The following PRKDC variants were observed in gnomAD, a reference collection of about 807,000 sequenced individuals.
PRKDC encodes DNA-dependent protein kinase catalytic subunit.
A neutral mutation model predicts 486.9 loss-of-function variants in PRKDC; 82 were observed. The ratio of observed to expected loss-of-function variants is 0.17; its 90% CI spans 0.14 to 0.20. PRKDC has a LOEUF of 0.20. Among genes scored for constraint, PRKDC ranks in the 10% least tolerant of loss-of-function variants. The pLI, the probability that PRKDC is intolerant of heterozygous loss-of-function variation, is 1.00. For missense variants in PRKDC, 4,504 were observed against 5,038.2 expected (o/e 0.89, Z 3.21); for synonymous variants, 1,895 against 1,837.0 (o/e 1.03, Z -0.81).
At chr8:47,803,944 A>AT (rs1350272614) in intron 69 of PRKDC, among the ~76,000 whole-genome samples, 1 of 151,506 alleles carries the variant, frequency 6.6e-6, no homozygotes, top group African/African-American at 2.4e-5. Flanking sequence ...AAAAAAAAAA[A>AT]AAAATTCCAG....
rs761373021 is a variant in PRKDC at position 47,775,364 on chromosome 8, A to ATTT, written c.12183-990_12183-988dup. ...AAATGTCAGTTCAAGTCTTTTGACC[A>ATTT]TTTTTTTTTTTTTTTTTTTTTTTTT... On this transcript the variant is annotated intron_variant, in intron 85 of 85. Coordinates refer to ENST00000314191, the MANE Select transcript of PRKDC (RefSeq NM_006904.7). Among the ~76,000 whole-genome samples the ATTT allele has an allele frequency of 2.5e-3, 223 of 87,564 alleles. 6 individuals carry two copies. The highest frequency in any genetic ancestry group is 7.2e-3 in the African/African-American group (133 of 18,518). The allele number at this position is 87,564 out of a possible 152,430, so 57.4% of individuals were successfully genotyped here.
At chr8:47,875,306 CT>C (rs1201722223) in intron 40 of PRKDC, among the ~76,000 whole-genome samples, 5 of 152,264 alleles carry the variant, frequency 3.3e-5, no homozygotes, top group Non-Finnish European at 7.4e-5. Context: ...ATATCCACCT[CT>C]TTTCATTCTT....
intron 21 of PRKDC, among the ~76,000 whole-genome samples, chr8:47,924,089 A>G (rs142406818): frequency 1.0e-3 from 158 of 152,322 alleles, no homozygotes; most frequent in African/African-American, 3.6e-3. Flanking sequence ...TAACGTTTCT[A>G]AAGTTATTTA....
chr8:47,849,242 G>A lies in PRKDC; in HGVS notation c.7192C>T (p.Leu2398=). Residue 2398 remains leucine (L), a synonymous_variant, in exon 54 of 86, where the codon CTG becomes TTG. Transcript: ENST00000314191. ...TCCACACGACAAAGTACCACCTCCA[G>A]ACAGAGTGTTTTCAACACTCCATGA... ...KFHGVLKTLC[L]EVVLCRVEGM... is the part of the protein sequence containing the mutation. 6.2e-7 allele frequency: 1 copy of A among 1,613,970 alleles called. No homozygotes were observed.
intron 68 of PRKDC, among the ~76,000 whole-genome samples, chr8:47,811,413 C>T (rs940092217): frequency 2.6e-5 from 4 of 152,026 alleles, no homozygotes; most frequent in Admixed American, 6.6e-5. Flanking sequence ...AACTGCTAAA[C>T]GAAGATTTTT....
intron 34 of PRKDC, among the ~76,000 whole-genome samples, chr8:47,887,964 T>A (rs1477439479): frequency 6.6e-6 from 1 of 152,164 alleles, no homozygotes; most frequent in Non-Finnish European, 1.5e-5. Context: ...CAAGCAATCC[T>A]CCCACCTCAG....
In PRKDC at chr8:47,914,732, C is replaced by A. The variant is rs8178054; in HGVS notation, c.2617+596G>T. ...AGGAGAATCGCTTGAACCTGGGAGGCGGAGGTTGCAGTGAGCCAAGATTGT... is the reference window on the plus strand; with the variant it reads ...AGGAGAATCGCTTGAACCTGGGAGGAGGAGGTTGCAGTGAGCCAAGATTGT... On this transcript the variant is annotated intron_variant, in intron 23 of 85. Transcript: ENST00000314191. Among the ~76,000 whole-genome samples, 986 of 147,534 alleles carry A rather than the reference C, an allele frequency of 6.7e-3. 3 individuals carry two copies. Among genetic ancestry groups the A allele is most frequent in the Non-Finnish European group, 0.011 (715 of 67,536 alleles).
intron 22 of PRKDC, among the ~76,000 whole-genome samples, chr8:47,917,657 T>C (rs973143000): frequency 2.0e-5 from 3 of 152,148 alleles, no homozygotes; most frequent in Non-Finnish European, 4.4e-5. Flanking sequence ...CCTGATAATA[T>C]GACATATTTA....
chr8:47,847,896 T>TATAA (rs2088308715), intron 54 of PRKDC, among the ~76,000 whole-genome samples: 3 of 147,232 alleles, frequency 2.0e-5, no homozygotes, highest in South Asian at 4.3e-4. Flanking sequence ...TATATATATA[T>TATAA]AAAAGTCATC....
intron 41 of PRKDC, among the ~76,000 whole-genome samples, chr8:47,864,193 C>T (rs1199334778): frequency 7.2e-6 from 1 of 138,646 alleles, no homozygotes; most frequent in Non-Finnish European, 1.7e-5. Flanking sequence ...GGAAATGTGA[C>T]CAGGGAGGAA....
intron 58 of PRKDC, among the ~76,000 whole-genome samples, chr8:47,835,838 C>T (rs1294995472): frequency 6.6e-6 from 1 of 151,758 alleles, no homozygotes; most frequent in African/African-American, 2.4e-5. Flanking sequence ...TCACAGATCA[C>T]TGCAGCCTTG....
intron 9 of PRKDC, 143 bp from the exon 10 acceptor site, chr8:47,943,509 T>C: frequency 1.1e-6 from 1 of 886,670 alleles, no homozygotes. Context: ...CAGGGATTCC[T>C]GTCAGAGCTC....
intron 10 of PRKDC, among the ~76,000 whole-genome samples, chr8:47,941,005 C>CT (rs2090434646): frequency 6.6e-6 from 1 of 151,966 alleles, no homozygotes; most frequent in Non-Finnish European, 1.5e-5. Flanking sequence ...TGGCAGGTGC[C>CT]TATAATCCCA....
chr8:47,943,072 A>G, intron 10 of PRKDC, 137 bp downstream of exon 10: 1 of 1,144,484 alleles, frequency 8.7e-7, no homozygotes, highest in East Asian at 2.6e-5. Context: ...TGGCTGGCTG[A>G]TCAACATCTT....
At chr8:47,892,736 A>G (rs2089489565) in intron 31 of PRKDC, among the ~76,000 whole-genome samples, 1 of 152,226 alleles carries the variant, frequency 6.6e-6, no homozygotes, top group African/African-American at 2.4e-5. Context: ...AATCATTTGA[A>G]GGGTAGGAAA....
At chr8:47,930,870 G>A in intron 16 of PRKDC, 83 bp from the exon 17 acceptor site, 1 of 1,292,328 alleles carries the variant, frequency 7.7e-7, no homozygotes, top group East Asian at 2.6e-5. Flanking sequence ...TGACTTCATG[G>A]TCAAGGCCTG....
At chr8:47,797,708 G>A (rs1380242875) in intron 73 of PRKDC, among the ~76,000 whole-genome samples, 1 of 152,212 alleles carries the variant, frequency 6.6e-6, no homozygotes, top group Admixed American at 6.5e-5. Flanking sequence ...AGCTGGCAGT[G>A]CAGCCCTTGG....
At chr8:47,853,995 C>T in intron 51 of PRKDC, 88 bp downstream of exon 51, 1 of 1,516,038 alleles carries the variant, frequency 6.6e-7, no homozygotes. Context: ...GGGTCTGGTC[C>T]TTAAAATTAT....
At chr8:47,886,964 T>C (rs979356548) in intron 35 of PRKDC, among the ~76,000 whole-genome samples, 2 of 152,218 alleles carry the variant, frequency 1.3e-5, no homozygotes, top group African/African-American at 4.8e-5. Flanking sequence ...TTGAGGATAG[T>C]CTATTAAGGG....
Sources: gnomAD v4.1 joint callset for allele counts (sites outside exome capture counted in the v4.1 genomes callset) on GRCh38, gnomAD v4.1.1 for gene constraint, MANE v1.5 for transcripts, NCBI Gene and HGNC (gene_info 2026-07-23, HGNC 2026-07-21) for gene names.